The following RFX3 variants were observed in gnomAD, a reference collection of about 807,000 sequenced individuals.
RFX3 encodes regulatory factor X3, also known as transcription factor RFX3.
In RFX3, 14 loss-of-function variants were observed where a neutral mutation model predicts 98.6. The ratio of observed to expected loss-of-function variants is 0.14; its 90% CI spans 0.09 to 0.22. The LOEUF (loss-of-function observed/expected upper bound fraction) is 0.22. Ranked by LOEUF, RFX3 falls within the 10% of genes least tolerant of loss-of-function variation. The pLI is 1.00. For synonymous variants in RFX3, 383 were observed against 328.4 expected, an observed-to-expected ratio of 1.17 and a Z score of -1.80; for missense variants, 639 against 926.9, an observed-to-expected ratio of 0.69 and a Z score of 4.03.
intron 1 of RFX3, among the ~76,000 whole-genome samples, chr9:3,460,703 C>G (rs1019217249): frequency 2.1e-5 from 3 of 146,328 alleles, no homozygotes; most frequent in African/African-American, 7.4e-5. Context: ...TTAATCCCAA[C>G]CCAACCCCAC....
intron 15 of RFX3, among the ~76,000 whole-genome samples, chr9:3,231,266 T>C (rs1818406838): frequency 6.6e-6 from 1 of 152,076 alleles, no homozygotes; most frequent in African/African-American, 2.4e-5. Context: ...GAGATAAGAT[T>C]TTACTATCCT....
intron 5 of RFX3, among the ~76,000 whole-genome samples, chr9:3,295,858 A>C (rs1207467389): frequency 6.6e-6 from 1 of 152,054 alleles, no homozygotes; most frequent in Non-Finnish European, 1.5e-5. Context: ...TTTACAACCA[A>C]AAGTATACAA....
At chr9:3,467,332 G>A (rs1339936098) in intron 1 of RFX3, among the ~76,000 whole-genome samples, 3 of 145,266 alleles carry the variant, frequency 2.1e-5, no homozygotes, top group East Asian at 2.0e-4. Flanking sequence ...GTGTATGTAC[G>A]TGTGTGTGTG....
intron 1 of RFX3, among the ~76,000 whole-genome samples, chr9:3,462,002 G>C (rs897936433): frequency 1.3e-5 from 2 of 151,852 alleles, no homozygotes; most frequent in African/African-American, 2.4e-5. Context: ...GTGAACTTTT[G>C]TGTTTTCCGA....
At chr9:3,282,651 A>G (rs970465578) in intron 7 of RFX3, among the ~76,000 whole-genome samples, 4 of 151,796 alleles carry the variant, frequency 2.6e-5, no homozygotes, top group African/African-American at 9.7e-5. Context: ...TCCTCTAAGC[A>G]TAGGTGGTTT....
intron 9 of RFX3, among the ~76,000 whole-genome samples, chr9:3,271,602 C>A (rs986826029): frequency 6.6e-6 from 1 of 150,474 alleles, no homozygotes; most frequent in East Asian, 2.0e-4. Context: ...CTTCTTTCTG[C>A]CTCTATAGTT....
At chr9:3,269,336 T>TTAA (rs1824071783) in intron 11 of RFX3, among the ~76,000 whole-genome samples, 1 of 152,088 alleles carries the variant, frequency 6.6e-6, no homozygotes, top group Admixed American at 6.6e-5. Flanking sequence ...CATACAAATG[T>TTAA]TAATATCTTC....
intron 2 of RFX3, among the ~76,000 whole-genome samples, chr9:3,354,947 T>G (rs1463357382): frequency 6.6e-6 from 1 of 151,812 alleles, no homozygotes; most frequent in African/African-American, 2.4e-5. Flanking sequence ...AGAAGTGAAA[T>G]GCAGGAATGA....
chr9:3,496,754 G>C (rs556355622), intron 1 of RFX3, among the ~76,000 whole-genome samples: 1 of 151,982 alleles, frequency 6.6e-6, no homozygotes, highest in East Asian at 1.9e-4. Flanking sequence ...TTTGAACTCT[G>C]GTTTCCCTTA....
At chr9:3,482,102 G>A (rs1420057513) in intron 1 of RFX3, among the ~76,000 whole-genome samples, 1 of 151,780 alleles carries the variant, frequency 6.6e-6, no homozygotes, top group Non-Finnish European at 1.5e-5. Flanking sequence ...CCAAAATACT[G>A]TATAGGATAC....
chr9:3,340,223 C>T (rs538453172), intron 3 of RFX3, among the ~76,000 whole-genome samples: 2 of 152,154 alleles, frequency 1.3e-5, no homozygotes, highest in Admixed American at 6.5e-5. Context: ...AAACTGGATC[C>T]CTTCCTTACA....
intron 1 of RFX3, among the ~76,000 whole-genome samples, chr9:3,422,001 TA>T (rs34739292): frequency 2.8e-3 from 411 of 144,428 alleles, no homozygotes; most frequent in East Asian, 7.6e-3. Flanking sequence ...GTGACTCTTC[TA>T]AAAAAAAAAA....
At chr9:3,329,336 A>G (rs1416245640) in intron 4 of RFX3, among the ~76,000 whole-genome samples, 2 of 144,826 alleles carry the variant, frequency 1.4e-5, no homozygotes. Context: ...TGAACCCAGA[A>G]GGCAGAGGTT....
chr9:3,506,221 A>T (rs1817081489), intron 1 of RFX3, among the ~76,000 whole-genome samples: 1 of 150,922 alleles, frequency 6.6e-6, no homozygotes, highest in African/African-American at 2.5e-5. Flanking sequence ...TTTTTTTTAA[A>T]AAAAAAGGTT....
At chr9:3,490,334 T>C in intron 1 of RFX3, 1 of 983,926 alleles carries the variant, frequency 1.0e-6, no homozygotes, top group Non-Finnish European at 1.2e-6. Flanking sequence ...AATGCCAGAA[T>C]GACCAAGTGG....
chr9:3,403,031 C>A (rs1237045442), intron 1 of RFX3, among the ~76,000 whole-genome samples: 2 of 151,956 alleles, frequency 1.3e-5, no homozygotes, highest in East Asian at 3.8e-4. Context: ...GTATTTTAAA[C>A]ATATGTTTAG....
At chr9:3,483,073 T>C (rs1052782442) in intron 1 of RFX3, among the ~76,000 whole-genome samples, 3 of 152,166 alleles carry the variant, frequency 2.0e-5, no homozygotes, top group Non-Finnish European at 4.4e-5. Context: ...TATGCCAGGA[T>C]TCAGCAAAAA....
intron 2 of RFX3, among the ~76,000 whole-genome samples, chr9:3,389,062 G>C (rs1330929252): frequency 1.3e-5 from 2 of 152,096 alleles, no homozygotes; most frequent in African/African-American, 4.8e-5. Flanking sequence ...TATCCTCAAT[G>C]TTAGCAGTAT....
rs552356118 is a variant in RFX3, at chr9:3,358,793, A to G, written c.118-12029T>C. Among the ~76,000 whole-genome samples the G allele has an allele frequency of 2.2e-4, 33 of 152,238 alleles. 1 individual carries two copies. Among genetic ancestry groups the G allele is most frequent in the Admixed American group, 1.8e-3 (27 of 15,274 alleles). ...CTTGGGAGGCCTCAGGAAACTTCCA[A>G]TCATGGCAGAAGGGGAAGCAAACAC... On this transcript the variant is annotated intron_variant, in intron 2 of 16. Transcript: ENST00000617270.
Sources: gnomAD v4.1 joint callset for allele counts (sites outside exome capture counted in the v4.1 genomes callset) on GRCh38, gnomAD v4.1.1 for gene constraint, MANE v1.5 for transcripts, NCBI Gene and HGNC (gene_info 2026-07-23, HGNC 2026-07-21) for gene names.